SPMAP2: variants seen among roughly 807,000 people sequenced by gnomAD.
SPMAP2 encodes the protein sperm microtubule associated protein 2, also known as Theg homolog.
chr19:365,713 C>T, the SPMAP2 span, among the ~76,000 whole-genome samples: 1 of 144,336 alleles, frequency 6.9e-6, no homozygotes, highest in Non-Finnish European at 1.5e-5. Flanking sequence ...CTCTTACCCC[C>T]ACCACACAGC....
the SPMAP2 span, chr19:372,604 G>A: frequency 1.9e-6 from 3 of 1,611,082 alleles, no homozygotes; most frequent in Non-Finnish European, 2.5e-6. Flanking sequence ...TGCCTTCTGA[G>A]TAGCCACCCA....
chr19:372,607 G>A, the SPMAP2 span: 3 of 1,611,844 alleles, frequency 1.9e-6, no homozygotes, highest in Non-Finnish European at 2.5e-6. Flanking sequence ...CTTCTGAGTA[G>A]CCACCCAGCC....
chr19:371,394 G>GTC, the SPMAP2 span: 3 of 616,358 alleles, frequency 4.9e-6, no homozygotes, highest in Admixed American at 3.3e-5. Context: ...GTGTGTGTGT[G>GTC]TGTGTGTGTG....
chr19:370,469 G>A, the SPMAP2 span, among the ~76,000 whole-genome samples: 35,983 of 150,990 alleles, frequency 0.24, 5,495 homozygotes, highest in South Asian at 0.42. Context: ...AGCCTCCGGA[G>A]TAGTTGGGAC....
the SPMAP2 span, among the ~76,000 whole-genome samples, chr19:365,545 A>ACTCTTACCCCCACACAG: frequency 1.7e-5 from 1 of 60,260 alleles, no homozygotes; most frequent in African/African-American, 4.8e-5. Flanking sequence ...GAGCACACAC[A>ACTCTTACCCCCACACAG]CACAGCCACA....
At chr19:370,071 T>TCC in the SPMAP2 span, among the ~76,000 whole-genome samples, 1 of 151,936 alleles carries the variant, frequency 6.6e-6, no homozygotes, top group Admixed American at 6.6e-5. Context: ...GGGCTCCCAC[T>TCC]CCCGGCCCAG....
chr19:369,557 C>T, the SPMAP2 span, among the ~76,000 whole-genome samples: 2 of 151,674 alleles, frequency 1.3e-5, no homozygotes, highest in Non-Finnish European at 2.9e-5. Flanking sequence ...GCCTGAGCTC[C>T]CTCTCCCCAC....
At chr19:373,128 C>G in the SPMAP2 span, among the ~76,000 whole-genome samples, 1 of 152,176 alleles carries the variant, frequency 6.6e-6, no homozygotes, top group Non-Finnish European at 1.5e-5. Context: ...TTATTCTCCT[C>G]TATGGGGAAC....
chr19:371,192 A>T, the SPMAP2 span: 1 of 1,417,690 alleles, frequency 7.1e-7, no homozygotes, highest in Non-Finnish European at 9.3e-7. Context: ...CGCGGGGGGC[A>T]CGGGGCACCC....
chr19:367,222 C>G, the SPMAP2 span: 1 of 1,593,342 alleles, frequency 6.3e-7, no homozygotes, highest in African/African-American at 1.4e-5. Context: ...ATACCTGGGA[C>G]ACCTGGAAAG....
At chr19:367,182 A>G in the SPMAP2 span, 1 of 1,608,102 alleles carries the variant, frequency 6.2e-7, no homozygotes, top group South Asian at 1.1e-5. Flanking sequence ...AGGATCCGCG[A>G]GCTGGGGACT....
the SPMAP2 span, among the ~76,000 whole-genome samples, chr19:375,030 C>T: frequency 1.3e-5 from 2 of 152,172 alleles, no homozygotes; most frequent in Non-Finnish European, 2.9e-5. Flanking sequence ...GGCGGCAAAC[C>T]TCCCTGGGCG....
the SPMAP2 span, chr19:375,847 C>T: frequency 6.2e-7 from 1 of 1,602,098 alleles, no homozygotes; most frequent in South Asian, 1.1e-5. Flanking sequence ...GGGTCTGTGA[C>T]CCGCCGGCTC....
chr19:373,432 C>T, the SPMAP2 span: 183 of 1,608,480 alleles, frequency 1.1e-4, no homozygotes, highest in Admixed American at 3.0e-4. Flanking sequence ...GGCCGGCAGC[C>T]GGGGGCAGGG....
the SPMAP2 span, among the ~76,000 whole-genome samples, chr19:364,053 GTT>G: frequency 2.0e-5 from 3 of 151,996 alleles, no homozygotes; most frequent in Non-Finnish European, 4.4e-5. Context: ...AAATATTTCG[GTT>G]GGGCGCGGTG....
the SPMAP2 span, chr19:371,220 G>GCT: frequency 1.4e-6 from 2 of 1,463,768 alleles, no homozygotes; most frequent in Non-Finnish European, 1.8e-6. Context: ...ACATGGGCAT[G>GCT]CTCCAGAAGT....
the SPMAP2 span, among the ~76,000 whole-genome samples, chr19:369,534 A>G: frequency 2.2e-4 from 34 of 151,934 alleles, no homozygotes; most frequent in Non-Finnish European, 4.4e-4. Context: ...GACGGTGGCC[A>G]AGATGGGGAA....
At chr19:367,196 A>T in the SPMAP2 span, 5 of 1,606,514 alleles carry the variant, frequency 3.1e-6, no homozygotes, top group Non-Finnish European at 4.2e-6. Flanking sequence ...GGGGACTGCC[A>T]TTTGGGCTGC....
chr19:372,759 G>A, the SPMAP2 span: 1 of 1,538,560 alleles, frequency 6.5e-7, no homozygotes, highest in African/African-American at 1.4e-5. Flanking sequence ...GCAGTTCCCA[G>A]GGGCTTCTGC....
Sources: gnomAD v4.1 joint callset for allele counts (sites outside exome capture counted in the v4.1 genomes callset) on GRCh38, gnomAD v4.1.1 for gene constraint, MANE v1.5 for transcripts, NCBI Gene and HGNC (gene_info 2026-07-23, HGNC 2026-07-21) for gene names.